Variants in NPAS3 observed in about 807,000 individuals in gnomAD.
The protein encoded by NPAS3 is neuronal PAS domain-containing protein 3.
NPAS3 carries 14 observed loss-of-function variants against 73.1 expected under a neutral mutation model. The observed-to-expected ratio is 0.19, with a 90% confidence interval of 0.13 to 0.30. The LOEUF is 0.30. Ranked by LOEUF, NPAS3 falls within the 10% of genes least tolerant of loss-of-function variation. The probability of loss-of-function intolerance (pLI) is 1.00; values close to 1 mark genes in which losing one functional copy is unlikely to be tolerated. For missense variants in NPAS3, 1,096 were observed against 1,250.0 expected, an observed-to-expected ratio of 0.88 and a Z score of 1.86; for synonymous variants, 620 against 541.5, an observed-to-expected ratio of 1.14 and a Z score of -2.01.
intron 7 of NPAS3, among the ~76,000 whole-genome samples, chr14:33,753,821 G>T (rs1020740858): frequency 3.3e-5 from 5 of 152,048 alleles, no homozygotes; most frequent in Non-Finnish European, 1.5e-5. Context: ...ACCAAAGTAT[G>T]GGCAAATGTC....
chr14:33,534,421 C>A (rs996271435), intron 4 of NPAS3, among the ~76,000 whole-genome samples: 1 of 151,984 alleles, frequency 6.6e-6, no homozygotes, highest in Non-Finnish European at 1.5e-5. Context: ...ATTTGTTGGC[C>A]AAATCCCTTG....
At chr14:33,021,621 T>C (rs1169276211) in intron 1 of NPAS3, among the ~76,000 whole-genome samples, 1 of 152,222 alleles carries the variant, frequency 6.6e-6, no homozygotes, top group East Asian at 1.9e-4. Context: ...AAATCCCACC[T>C]ATTTTTCAAA....
chr14:33,638,232 A>ATATT (rs1358824833), intron 5 of NPAS3, among the ~76,000 whole-genome samples: 1 of 152,188 alleles, frequency 6.6e-6, no homozygotes, highest in Non-Finnish European at 1.5e-5. Context: ...TGTTAAATTA[A>ATATT]TATTAAAGAT....
chr14:33,085,581 G>A (rs1181417207), intron 2 of NPAS3, among the ~76,000 whole-genome samples: 1 of 152,080 alleles, frequency 6.6e-6, no homozygotes, highest in Non-Finnish European at 1.5e-5. Context: ...TTAAACCAAA[G>A]GTTTCTGGAT....
intron 2 of NPAS3, among the ~76,000 whole-genome samples, chr14:33,154,727 T>C (rs1432481213): frequency 6.6e-6 from 1 of 152,218 alleles, no homozygotes; most frequent in Non-Finnish European, 1.5e-5. Context: ...GGCTTCTTAT[T>C]CTGCTTCCTA....
In NPAS3 at chr14:33,710,259, G is replaced by A. The variant is rs191809062; in HGVS notation, c.734-24955G>A. Among the ~76,000 whole-genome samples, 168 of 152,226 alleles carry A rather than the reference G, an allele frequency of 1.1e-3. 2 individuals carry two copies. The highest frequency in any genetic ancestry group is 3.8e-3 in the African/African-American group (159 of 41,544). ...AATAGATCAGAACACAGAGACATCCGCAGTTCCCATATTTTAGATCTAGAA... is the reference window on the plus strand; with the variant it reads ...AATAGATCAGAACACAGAGACATCCACAGTTCCCATATTTTAGATCTAGAA... On this transcript the variant is annotated intron_variant, in intron 6 of 11. Transcript: ENST00000356141.
upstream of NPAS3, among the ~76,000 whole-genome samples, chr14:32,938,526 G>GAGAA (rs2035800805): frequency 7.5e-4 from 19 of 25,380 alleles, no homozygotes; most frequent in Non-Finnish European, 1.3e-3. Context: ...AGAGAGAGAA[G>GAGAA]GGGGGGGAGG....
At chr14:33,123,691 G>A (rs916745748) in intron 2 of NPAS3, among the ~76,000 whole-genome samples, 1 of 151,960 alleles carries the variant, frequency 6.6e-6, no homozygotes, top group Non-Finnish European at 1.5e-5. Flanking sequence ...GGAAATAATG[G>A]TAAGCTTAAA....
At chr14:33,557,947 T>C (rs2055439970) in intron 4 of NPAS3, among the ~76,000 whole-genome samples, 3 of 152,250 alleles carry the variant, frequency 2.0e-5, no homozygotes, top group Admixed American at 1.3e-4. Flanking sequence ...CCAGCCTGGG[T>C]GACAGAGCAA....
At chr14:33,601,909 G>C (rs11622387) in intron 5 of NPAS3, among the ~76,000 whole-genome samples, 36,440 of 152,032 alleles carry the variant, frequency 0.24, 4,765 homozygotes, top group East Asian at 0.41. Flanking sequence ...TTAGAAAAGA[G>C]ACAGAAGATA....
At chr14:33,437,068 T>G (rs779670727) in intron 4 of NPAS3, among the ~76,000 whole-genome samples, 18 of 152,230 alleles carry the variant, frequency 1.2e-4, no homozygotes, top group African/African-American at 1.9e-4. Context: ...CCTCTAGTGG[T>G]GACCACAAGT....
In NPAS3 at chr14:33,597,454, C is replaced by T. The variant is rs766438880; in HGVS notation, c.558+37244C>T. On this transcript the variant is annotated intron_variant, in intron 5 of 11. Coordinates refer to ENST00000356141, the Ensembl canonical transcript of NPAS3. ...TCATGGGAACATAAAGAGTAATTTT[C>T]GTCTAAAGTAAATATATCCATTCAT... 9.2e-5 allele frequency among the ~76,000 whole-genome samples: 14 copies of T among 152,176 alleles called. No homozygotes were observed. The South Asian group carries it at 1.0e-3, about 11-fold the overall frequency.
intron 1 of NPAS3, among the ~76,000 whole-genome samples, chr14:33,040,662 A>C (rs2040320283): frequency 6.6e-6 from 1 of 152,112 alleles, no homozygotes; most frequent in Non-Finnish European, 1.5e-5. Context: ...TCATGGAGGG[A>C]AGCAATGTTA....
intron 2 of NPAS3, among the ~76,000 whole-genome samples, chr14:33,197,237 C>CTGTG (rs11268151): frequency 0.081 from 10,913 of 135,248 alleles, 604 homozygotes; most frequent in East Asian, 0.28. Context: ...CTCCAGCAGG[C>CTGTG]TGTGTGTGTG....
At chr14:33,735,453 G>A in intron 7 of NPAS3, 121 bp downstream of exon 7, 1 of 714,292 alleles carries the variant, frequency 1.4e-6, no homozygotes, top group South Asian at 1.7e-5. Flanking sequence ...GGAGCCCATA[G>A]GATTCCCAGT....
intron 5 of NPAS3, among the ~76,000 whole-genome samples, chr14:33,633,674 G>A (rs1041398799): frequency 6.6e-6 from 1 of 152,124 alleles, no homozygotes; most frequent in Admixed American, 6.6e-5. Context: ...TCCTACAAGT[G>A]GTCCATTGTT....
intron 1 of NPAS3, among the ~76,000 whole-genome samples, chr14:32,948,192 C>T (rs1434409249): frequency 1.3e-5 from 2 of 152,094 alleles, no homozygotes; most frequent in African/African-American, 4.8e-5. Flanking sequence ...TTCAGATTAT[C>T]CAAAGGAAGT....
Position 33,170,562 on chromosome 14 carries a change from C to T in NPAS3, c.141-44620C>T, listed in dbSNP as rs546196100. On this transcript the variant is annotated intron_variant, in intron 2 of 11. Transcript: ENST00000356141. ...TGATAGCATTTTATCCACAGTAAAA[C>T]TTCTATCAAAATTGTAGGCAATCCT... Among the ~76,000 whole-genome samples the T allele has an allele frequency of 2.6e-5, 4 of 152,340 alleles. No individual in the cohort carries two copies. The South Asian group carries it at 8.3e-4, about 32-fold the overall frequency.
chr14:33,445,577 C>G (rs1046473139), intron 4 of NPAS3, among the ~76,000 whole-genome samples: 1 of 152,150 alleles, frequency 6.6e-6, no homozygotes, highest in Non-Finnish European at 1.5e-5. Flanking sequence ...AATATGTTGA[C>G]ACTATTCTCT....
Sources: gnomAD v4.1 joint callset for allele counts (sites outside exome capture counted in the v4.1 genomes callset) on GRCh38, gnomAD v4.1.1 for gene constraint, MANE v1.5 for transcripts, NCBI Gene and HGNC (gene_info 2026-07-23, HGNC 2026-07-21) for gene names.